The following AFF3 variants were observed in gnomAD, a reference collection of about 807,000 sequenced individuals.
The protein encoded by AFF3 is ALF transcription elongation factor 3.
Under a neutral mutation model 129.7 loss-of-function variants are expected in AFF3, and 32 were observed. The observed-to-expected ratio is 0.25, with a 90% CI of 0.19 to 0.33. The LOEUF is 0.33. Ranked by LOEUF, AFF3 falls within the 10% of genes least tolerant of loss-of-function variation. The pLI is 1.00. For missense variants in AFF3, 1,373 were observed against 1,592.0 expected (o/e 0.86, Z 2.34); for synonymous variants, 644 against 635.4 (o/e 1.01, Z -0.20).
intron 4 of AFF3, among the ~76,000 whole-genome samples, chr2:100,099,350 C>T (rs1202728117): frequency 6.6e-6 from 1 of 152,204 alleles, no homozygotes; most frequent in Non-Finnish European, 1.5e-5. Flanking sequence ...CGCCCACTGG[C>T]CTGCGCATGC....
intron 8 of AFF3, among the ~76,000 whole-genome samples, chr2:99,753,073 T>A (rs771204948): frequency 1.1e-4 from 16 of 151,992 alleles, no homozygotes; most frequent in Non-Finnish European, 2.2e-4. Flanking sequence ...ACTTGGAGTT[T>A]ACGAATTAGA....
At chr2:99,731,683 G>C (rs1013621252) in intron 10 of AFF3, among the ~76,000 whole-genome samples, 1 of 152,106 alleles carries the variant, frequency 6.6e-6, no homozygotes, top group Non-Finnish European at 1.5e-5. Context: ...CCAATAATGA[G>C]AATTTGCAAT....
chr2:100,048,523 T>C (rs1408085010), intron 4 of AFF3, among the ~76,000 whole-genome samples: 1 of 152,260 alleles, frequency 6.6e-6, no homozygotes, highest in Non-Finnish European at 1.5e-5. Context: ...ATGATTTAAT[T>C]AGTGAAACCC....
In AFF3 at chr2:99,945,748, T is replaced by C. The variant is rs1054433369; in HGVS notation, c.873+60884A>G. 3.3e-5 allele frequency among the ~76,000 whole-genome samples: 5 copies of C among 152,288 alleles called. No individual in the cohort carries two copies. The South Asian group carries it at 1.0e-3, about 32-fold the overall frequency. On this transcript the variant is annotated intron_variant, in intron 7 of 24. Coordinates refer to ENST00000672756, the MANE Select transcript of AFF3 (RefSeq NM_001386135.1). ...TGTTATAGATGGCTCAGCTCTAAACTCTGAGATGGATAATTGATATAGAAG... is the reference window on the plus strand; with the variant it reads ...TGTTATAGATGGCTCAGCTCTAAACCCTGAGATGGATAATTGATATAGAAG...
intron 7 of AFF3, among the ~76,000 whole-genome samples, chr2:99,888,288 T>C (rs1016521326): frequency 1.3e-5 from 2 of 152,224 alleles, no homozygotes; most frequent in African/African-American, 2.4e-5. Context: ...CTATAAAGCA[T>C]AGATATCGAG....
intron 22 of AFF3, 149 bp from the exon 23 acceptor site, chr2:99,554,881 T>A: frequency 1.2e-6 from 1 of 825,226 alleles, no homozygotes; most frequent in Non-Finnish European, 1.9e-6. Flanking sequence ...CTGGGAAGTC[T>A]CCATCACAGT....
At position 99,758,738 on chromosome 2, in the gene AFF3, C is replaced by T. The variant is rs184308272; in HGVS notation, c.922-6437G>A. ...TTTGTCACTTATGCCCAATCTTTAA[C>T]GCAACAATTGCCATCTCCATAGTAC... On this transcript the variant is annotated intron_variant, in intron 8 of 24. Transcript: ENST00000672756. 4.8e-4 allele frequency among the ~76,000 whole-genome samples: 73 copies of T among 152,178 alleles called. No homozygotes were observed. In the South Asian group the frequency reaches 0.014, roughly 29 times the overall value.
chr2:100,065,837 C>A (rs551975174), intron 4 of AFF3, among the ~76,000 whole-genome samples: 20 of 152,262 alleles, frequency 1.3e-4, no homozygotes, highest in Middle Eastern at 6.8e-3. Flanking sequence ...GTAGTTTGGT[C>A]TTTTATGTCA....
chr2:100,036,162 A>C (rs985800481), intron 4 of AFF3, among the ~76,000 whole-genome samples: 28 of 102,974 alleles, frequency 2.7e-4, no homozygotes, highest in Non-Finnish European at 6.5e-4. Flanking sequence ...AAAAAAAAAC[A>C]ACTTTCTCAA....
At chr2:99,779,716 T>C (rs1684240293) in intron 8 of AFF3, among the ~76,000 whole-genome samples, 1 of 152,250 alleles carries the variant, frequency 6.6e-6, no homozygotes, top group South Asian at 2.1e-4. Flanking sequence ...TGTATGTCCA[T>C]GTGTACCCAT....
At chr2:99,598,216 A>G (rs188860512) in intron 14 of AFF3, among the ~76,000 whole-genome samples, 262 of 152,314 alleles carry the variant, frequency 1.7e-3, no homozygotes, top group South Asian at 3.5e-3. Flanking sequence ...CTTTAACATT[A>G]GGTATCCAGG....
At chr2:99,687,578 G>A (rs970238226) in intron 11 of AFF3, among the ~76,000 whole-genome samples, 2 of 152,178 alleles carry the variant, frequency 1.3e-5, no homozygotes, top group African/African-American at 4.8e-5. Context: ...GCTCTCACTG[G>A]CCTGTGGAAT....
At chr2:100,039,637 C>A (rs746796993) in intron 4 of AFF3, among the ~76,000 whole-genome samples, 2 of 152,072 alleles carry the variant, frequency 1.3e-5, no homozygotes, top group Non-Finnish European at 2.9e-5. Context: ...TAATCTTCTG[C>A]GTGGGTCCAT....
In AFF3 at chr2:99,754,862, G is replaced by A. The variant is rs188914884; in HGVS notation, c.922-2561C>T. 1.5e-4 allele frequency among the ~76,000 whole-genome samples: 23 copies of A among 152,306 alleles called. No individual in the cohort carries two copies. The South Asian group carries it at 3.7e-3, about 25-fold the overall frequency. On this transcript the variant is annotated intron_variant, in intron 8 of 24. Coordinates refer to ENST00000672756, the MANE Select transcript of AFF3 (RefSeq NM_001386135.1). ...TGAAAACTTACCATTGGCAGGCACT[G>A]TAACTGTGTCTTATGTACACGAAGT...
intron 8 of AFF3, among the ~76,000 whole-genome samples, chr2:99,778,902 G>GCA (rs1558842015): frequency 0.027 from 128 of 4,690 alleles, no homozygotes; most frequent in African/African-American, 0.091. Flanking sequence ...GTGCGCGTGT[G>GCA]TGTGTGTGTG....
intron 10 of AFF3, among the ~76,000 whole-genome samples, chr2:99,740,632 T>C (rs1230522577): frequency 6.6e-6 from 1 of 152,076 alleles, no homozygotes; most frequent in Non-Finnish European, 1.5e-5. Context: ...TGTCTGTTCA[T>C]GTCCTTTGCT....
At chr2:99,834,156 G>C (rs1322229882) in intron 8 of AFF3, among the ~76,000 whole-genome samples, 1 of 152,130 alleles carries the variant, frequency 6.6e-6, no homozygotes, top group Non-Finnish European at 1.5e-5. Flanking sequence ...TGAATTGCCT[G>C]ACTGGTTTCG....
intron 18 of AFF3, among the ~76,000 whole-genome samples, chr2:99,577,794 A>G (rs1677140295): frequency 6.6e-6 from 1 of 152,152 alleles, no homozygotes. Flanking sequence ...TCCTTTTAAA[A>G]TGATGCTGGG....
At chr2:99,803,094 T>C (rs910871709) in intron 8 of AFF3, among the ~76,000 whole-genome samples, 1 of 152,198 alleles carries the variant, frequency 6.6e-6, no homozygotes, top group Non-Finnish European at 1.5e-5. Flanking sequence ...GTTTGTCATA[T>C]GTGGCTTTTA....
Sources: allele counts gnomAD v4.1 joint callset (sites outside exome capture counted in the v4.1 genomes callset), GRCh38; gene constraint gnomAD v4.1.1; transcripts MANE v1.5; gene names NCBI Gene and HGNC (gene_info 2026-07-23, HGNC 2026-07-21).